ST6GAL1: variants seen among roughly 807,000 people sequenced by gnomAD.
ST6GAL1 encodes the protein ST6 beta-galactoside alpha-2,6-sialyltransferase 1.
In ST6GAL1, 20 loss-of-function variants were observed where a neutral mutation model predicts 38.0. That is an observed-to-expected ratio of 0.53 (90% CI 0.37 to 0.77). The LOEUF is 0.77. ST6GAL1 is among the 30% of genes least tolerant of loss of function. The pLI is 0.00. For synonymous variants in ST6GAL1, 196 were observed against 188.2 expected, an observed-to-expected ratio of 1.04 and a Z score of -0.34; for missense variants, 432 against 496.4, an observed-to-expected ratio of 0.87 and a Z score of 1.23.
In ST6GAL1 at chr3:187,051,325, C is replaced by T; in HGVS notation, c.684C>T (p.Thr228=). 1.2e-6 allele frequency: 2 copies of T among 1,614,118 alleles called. No homozygotes were observed. The highest frequency in any genetic ancestry group is 1.7e-6 in the Non-Finnish European group (2 of 1,179,980). Residue 228 remains threonine, a synonymous_variant, in exon 5 of 8, where the codon ACC becomes ACT. Coordinates refer to ENST00000169298, the MANE Select transcript of ST6GAL1 (RefSeq NM_173216.2). Reference sequence around the variant, plus strand: ...AACAAGATGTGGGCACAAAAACTACCATTCGCCTGATGAACTCTCAGGTAA... The same window carrying T: ...AACAAGATGTGGGCACAAAAACTACTATTCGCCTGATGAACTCTCAGGTAA... ...NFQQDVGTKT[T]IRLMNSQLVT...
chr3:186,940,891 C>T (rs1714145635), intron 1 of ST6GAL1, among the ~76,000 whole-genome samples: 1 of 148,384 alleles, frequency 6.7e-6, no homozygotes, highest in Non-Finnish European at 1.5e-5. Flanking sequence ...AAATATATTT[C>T]TAAGTGTTTT....
intron 5 of ST6GAL1, chr3:187,064,721 C>A: frequency 2.3e-6 from 1 of 434,144 alleles, no homozygotes; most frequent in Admixed American, 2.5e-5. Flanking sequence ...TGTGGTGGTA[C>A]TGAACTGTGA....
At chr3:187,060,222 G>A (rs141281723) in intron 5 of ST6GAL1, among the ~76,000 whole-genome samples, 2,815 of 152,180 alleles carry the variant, frequency 0.018, 96 homozygotes, top group African/African-American at 0.065. Flanking sequence ...GTGCAGTGGC[G>A]CGATCTCAGC....
At chr3:187,048,126 G>A (rs1718368471) in intron 4 of ST6GAL1, among the ~76,000 whole-genome samples, 1 of 152,034 alleles carries the variant, frequency 6.6e-6, no homozygotes, top group African/African-American at 2.4e-5. Context: ...TGTATTTTTA[G>A]TAGAGACGAG....
chr3:186,994,490 T>C (rs73069485), intron 2 of ST6GAL1, among the ~76,000 whole-genome samples: 8,842 of 152,234 alleles, frequency 0.058, 363 homozygotes, highest in East Asian at 0.11. Flanking sequence ...CCATATATTC[T>C]GTATTTCATA....
At chr3:186,933,557 A>C (rs1230722074) in intron 1 of ST6GAL1, among the ~76,000 whole-genome samples, 1 of 152,160 alleles carries the variant, frequency 6.6e-6, no homozygotes, top group Non-Finnish European at 1.5e-5. Context: ...AAAATCCTAC[A>C]TCAATTCCTC....
At position 187,066,736 on chromosome 3, in the gene ST6GAL1, T is replaced by C. The variant is rs536941833; in HGVS notation, c.706-6113T>C. On this transcript the variant is annotated intron_variant, in intron 5 of 7. Transcript: ENST00000169298. ...TGAGCAGCAGCACTCCATGCCCTGG[T>C]GTAGCCTTTTCCTGGCAGATGTTCC... 1.7e-4 allele frequency among the ~76,000 whole-genome samples: 26 copies of C among 152,216 alleles called. 1 individual carries two copies. The highest frequency in any genetic ancestry group is 6.0e-4 in the African/African-American group (25 of 41,538).
intron 1 of ST6GAL1, among the ~76,000 whole-genome samples, chr3:186,962,067 G>T (rs1175951960): frequency 6.6e-6 from 1 of 152,178 alleles, no homozygotes; most frequent in African/African-American, 2.4e-5. Flanking sequence ...CAAAGTGCCC[G>T]AAGCCTCAAG....
rs76274828 is a variant in ST6GAL1 at position 186,964,846 on chromosome 3, C to T, written c.-183+920C>T. 9.8e-3 allele frequency among the ~76,000 whole-genome samples: 1,496 copies of T among 152,230 alleles called. 20 individuals are homozygous for T. The highest frequency in any genetic ancestry group is 0.034 in the African/African-American group (1,426 of 41,524). On this transcript the variant is annotated intron_variant, in intron 2 of 7. Transcript: ENST00000169298. ...ACCCTACCCCAGGCTGTGGGGCATC[C>T]GGCAAATCACCTCCCCTATGCATTC... is the stretch of plus-strand genomic sequence containing the variant.
At chr3:187,005,437 G>A (rs955713256) in intron 2 of ST6GAL1, among the ~76,000 whole-genome samples, 3 of 151,978 alleles carry the variant, frequency 2.0e-5, no homozygotes, top group African/African-American at 4.8e-5. Flanking sequence ...CACCATGCCC[G>A]GCTAACTTTT....
chr3:187,034,107 G>A (rs1020787564), intron 2 of ST6GAL1, among the ~76,000 whole-genome samples: 1 of 117,774 alleles, frequency 8.5e-6, no homozygotes, highest in Non-Finnish European at 1.6e-5. Flanking sequence ...AAATATGAAA[G>A]ATCTTTGGAG....
chr3:187,031,923 T>C (rs1015792222), intron 2 of ST6GAL1, among the ~76,000 whole-genome samples: 1 of 152,178 alleles, frequency 6.6e-6, no homozygotes, highest in Non-Finnish European at 1.5e-5. Flanking sequence ...TTCCAAAGCT[T>C]GTATTGTTCA....
chr3:186,980,918 C>T (rs902525708), intron 2 of ST6GAL1, among the ~76,000 whole-genome samples: 2 of 152,136 alleles, frequency 1.3e-5, no homozygotes, highest in African/African-American at 2.4e-5. Context: ...AGTGCCATCA[C>T]GTGTTGGGTG....
At chr3:187,005,028 C>A (rs548449947) in intron 2 of ST6GAL1, among the ~76,000 whole-genome samples, 2 of 151,692 alleles carry the variant, frequency 1.3e-5, no homozygotes, top group African/African-American at 2.4e-5. Flanking sequence ...TGACTGCCAC[C>A]ATCAATAAGA....
intron 2 of ST6GAL1, among the ~76,000 whole-genome samples, chr3:186,981,968 T>C (rs1715711117): frequency 6.6e-6 from 1 of 151,968 alleles, no homozygotes; most frequent in Non-Finnish European, 1.5e-5. Context: ...TTACATCTAT[T>C]TTCTCATTTA....
intron 2 of ST6GAL1, among the ~76,000 whole-genome samples, chr3:186,997,877 A>T (rs1716472235): frequency 6.6e-6 from 1 of 152,220 alleles, no homozygotes; most frequent in African/African-American, 2.4e-5. Context: ...AGCCAGTGCT[A>T]TCTAATGGAA....
At chr3:187,020,596 G>C (rs1445500082) in intron 2 of ST6GAL1, among the ~76,000 whole-genome samples, 1 of 152,198 alleles carries the variant, frequency 6.6e-6, no homozygotes, top group Non-Finnish European at 1.5e-5. Flanking sequence ...ACATTATCTG[G>C]CTGCCCCTGT....
chr3:186,949,652 C>T (rs1303574622), intron 1 of ST6GAL1, among the ~76,000 whole-genome samples: 2 of 152,224 alleles, frequency 1.3e-5, no homozygotes, highest in African/African-American at 4.8e-5. Context: ...AGGCAACTCA[C>T]TGCCTTCCCT....
chr3:187,055,156 G>A (rs527629001), intron 5 of ST6GAL1, among the ~76,000 whole-genome samples: 14 of 150,304 alleles, frequency 9.3e-5, no homozygotes, highest in East Asian at 5.9e-4. Context: ...CCAATTTATC[G>A]TTTTTTATTG....
Sources: gnomAD v4.1 joint callset for allele counts (sites outside exome capture counted in the v4.1 genomes callset) on GRCh38, gnomAD v4.1.1 for gene constraint, MANE v1.5 for transcripts, NCBI Gene and HGNC (gene_info 2026-07-23, HGNC 2026-07-21) for gene names.